The following NQO1 variants were observed in gnomAD, a reference collection of about 807,000 sequenced individuals.
NQO1 encodes the protein NAD(P)H quinone dehydrogenase 1.
A neutral mutation model predicts 32.1 loss-of-function variants in NQO1; 30 were observed. That is an observed-to-expected ratio of 0.94 (90% CI 0.70 to 1.27). The LOEUF is 1.27. Among genes scored for constraint, NQO1 ranks in the 50% most tolerant of loss-of-function variants. The pLI, the probability that NQO1 is intolerant of heterozygous loss-of-function variation, is 0.00. For missense variants in NQO1, 276 were observed against 331.3 expected, an observed-to-expected ratio of 0.83 and a Z score of 1.30; for synonymous variants, 109 against 119.7, an observed-to-expected ratio of 0.91 and a Z score of 0.59.
chr16:69,710,719 A>T lies in NQO1; in HGVS notation c.*257T>A. On this transcript the variant is annotated 3_prime_UTR_variant, in exon 6 of 6. Coordinates refer to ENST00000320623, the MANE Select transcript of NQO1 (RefSeq NM_000903.3). ...TAAATTGTGTAGATGCCTTTAAAGA[A>T]CATTTTTCTAGCATCTTTCTACATC... 2.2e-6 allele frequency: 1 copy of T among 450,834 alleles called. No individual in the cohort carries two copies. The allele number at this position is 450,834 out of a possible 1,614,324, so 27.9% of individuals were successfully genotyped here.
intron 3 of NQO1, among the ~76,000 whole-genome samples, chr16:69,715,585 T>TG (rs2038102422): frequency 6.8e-6 from 1 of 147,678 alleles, no homozygotes; most frequent in South Asian, 2.1e-4. Flanking sequence ...CTGGCCAACA[T>TG]GGTGAAACCT....
rs1295545960 is a variant in NQO1, at chr16:69,713,145, C to T, written c.418-16G>A. ...CCTTCTTACTCTGCAAAAGAAAAAGCAATAACAAACTTCACTTCCCTCCAC... is the reference window on the plus strand; with the variant it reads ...CCTTCTTACTCTGCAAAAGAAAAAGTAATAACAAACTTCACTTCCCTCCAC... On this transcript the variant is annotated splice_polypyrimidine_tract_variant and intron_variant, in intron 4 of 5. Transcript: ENST00000320623. The T allele has an allele frequency of 4.4e-6, 7 of 1,591,910 alleles. No individual in the cohort carries two copies. Among genetic ancestry groups the T allele is most frequent in the African/African-American group, 2.7e-5 (2 of 74,412 alleles).
At chr16:69,724,176 G>C (rs1263020956) in intron 1 of NQO1, among the ~76,000 whole-genome samples, 1 of 151,834 alleles carries the variant, frequency 6.6e-6, no homozygotes, top group Non-Finnish European at 1.5e-5. Context: ...AGCTGGGCGT[G>C]GTGGTGGGCG....
intron 5 of NQO1, 87 bp from the exon 6 acceptor site, chr16:69,711,368 G>A (rs567339652): frequency 2.6e-6 from 3 of 1,138,606 alleles, no homozygotes; most frequent in Non-Finnish European, 3.8e-6. Flanking sequence ...GGGCTTCTCA[G>A]TAAGACACTC....
rs534337407 is a variant in NQO1 at position 69,726,447 on chromosome 16, GTGCAGTCCGGGGCGCTGATTGGCTGGGC to G, written c.-36_-9del. 56 of 1,610,502 alleles carry G rather than the reference GTGCAGTCCGGGGCGCTGATTGGCTGGGC, an allele frequency of 3.5e-5. No homozygotes were observed. In the East Asian group the frequency reaches 8.9e-4, roughly 26 times the overall value. On this transcript the variant is annotated 5_prime_UTR_variant, in exon 1 of 6. Transcript: ENST00000320623. Reference sequence around the variant, plus strand: ...GCAGCACTCACCGACCATGGCTCTGGTGCAGTCCGGGGCGCTGATTGGCTGGGCTCGTGGTTGCCGGGGCGACCCTGGC... The same window carrying G: ...GCAGCACTCACCGACCATGGCTCTGGTCGTGGTTGCCGGGGCGACCCTGGC...
chr16:69,718,645 G>C (rs2038149547), intron 1 of NQO1, 111 bp from the exon 2 acceptor site: 2 of 1,011,930 alleles, frequency 2.0e-6, no homozygotes, highest in East Asian at 4.9e-5. Context: ...TTTGACATTA[G>C]GTTATTGCAT....
chr16:69,719,956 T>C (rs1054496253), intron 1 of NQO1, among the ~76,000 whole-genome samples: 1 of 151,628 alleles, frequency 6.6e-6, no homozygotes, highest in African/African-American at 2.4e-5. Flanking sequence ...TAAAAAAAAA[T>C]TTTTAGAGAC....
At chr16:69,713,171 A>G (rs764947664) in intron 4 of NQO1, 42 bp from the exon 5 acceptor site, 2 of 1,417,862 alleles carry the variant, frequency 1.4e-6, no homozygotes, top group Non-Finnish European at 2.0e-6. Context: ...TTCCCTCCAC[A>G]TCCCCTTGGT....
chr16:69,714,255 C>G (rs984646376), intron 4 of NQO1, among the ~76,000 whole-genome samples: 1 of 151,552 alleles, frequency 6.6e-6, no homozygotes, highest in African/African-American at 2.4e-5. Flanking sequence ...CTGTAACCTC[C>G]ACCTCCTGGG....
Position 69,710,945 on chromosome 16 carries a change from CAT to C in NQO1, c.*29_*30del. 1 of 1,582,466 alleles carries C rather than the reference CAT, an allele frequency of 6.3e-7. No homozygotes were observed. On this transcript the variant is annotated 3_prime_UTR_variant, in exon 6 of 6. Transcript: ENST00000320623. Reference sequence around the variant, plus strand: ...CTGGAAAGATACCCAGATTTGATAACATGTTAGAAGGAAATCCAGGCTAAGGA... The same window carrying C: ...CTGGAAAGATACCCAGATTTGATAACGTTAGAAGGAAATCCAGGCTAAGGA...
rs1362769683 is a variant in NQO1, at chr16:69,709,676, C to T, written c.*1300G>A. ...TTTCATCATTTCTCATCTCTTCTTT[C>T]AATGCACCACAAGAGGGCAGTGTTT... On this transcript the variant is annotated 3_prime_UTR_variant, in exon 6 of 6. Transcript: ENST00000320623. 4 of 397,192 alleles carry T rather than the reference C, an allele frequency of 1.0e-5. No homozygotes were observed. The highest frequency in any genetic ancestry group is 1.8e-5 in the Non-Finnish European group (4 of 225,466). The allele number at this position is 397,192 out of a possible 1,614,324, so 24.6% of individuals were successfully genotyped here.
In NQO1 at chr16:69,710,886, A is replaced by G; in HGVS notation, c.*90T>C. The G allele has an allele frequency of 7.2e-7, 1 of 1,382,578 alleles. No homozygotes were observed. The highest frequency in any genetic ancestry group is 9.8e-7 in the Non-Finnish European group (1 of 1,017,222). The allele number at this position is 1,382,578 out of a possible 1,614,324, so 85.6% of individuals were successfully genotyped here. On this transcript the variant is annotated 3_prime_UTR_variant, in exon 6 of 6. Transcript: ENST00000320623. ...TTATTCCTTGTGGAAAAAGAAAAAC[A>G]CAAATCTTAAAAACTAAAGCAAGTC...
At chr16:69,725,119 C>G (rs1246997318) in intron 1 of NQO1, among the ~76,000 whole-genome samples, 1 of 152,182 alleles carries the variant, frequency 6.6e-6, no homozygotes, top group Non-Finnish European at 1.5e-5. Context: ...AGAATCTATT[C>G]CCTGCTGTCT....
chr16:69,717,904 C>G, intron 3 of NQO1: 1 of 640,846 alleles, frequency 1.6e-6, no homozygotes, highest in Admixed American at 2.9e-5. Flanking sequence ...AGCCACCGTG[C>G]CTGGCCTTGC....
chr16:69,722,067 C>G (rs570160559), intron 1 of NQO1, among the ~76,000 whole-genome samples: 4 of 151,578 alleles, frequency 2.6e-5, no homozygotes, highest in African/African-American at 9.7e-5. Flanking sequence ...ACGCTTACCC[C>G]CACAGTTGCT....
intron 1 of NQO1, among the ~76,000 whole-genome samples, chr16:69,724,384 C>T (rs1481084753): frequency 3.9e-5 from 6 of 151,926 alleles, no homozygotes; most frequent in Admixed American, 3.9e-4. Context: ...CTCAGAGGAG[C>T]TTGCCATTTG....
chr16:69,724,174 G>A (rs553092739), intron 1 of NQO1, among the ~76,000 whole-genome samples: 6 of 152,058 alleles, frequency 3.9e-5, no homozygotes, highest in Non-Finnish European at 5.9e-5. Context: ...TTAGCTGGGC[G>A]TGGTGGTGGG....
In NQO1 at chr16:69,710,768, C is replaced by T; in HGVS notation, c.*208G>A. 1.7e-6 allele frequency: 1 copy of T among 580,344 alleles called. No homozygotes were observed. Among genetic ancestry groups the T allele is most frequent in the Non-Finnish European group, 2.9e-6 (1 of 339,552 alleles). 35.9% of individuals were successfully genotyped at this position (580,344 alleles called of 1,614,324 possible). On this transcript the variant is annotated 3_prime_UTR_variant, in exon 6 of 6. Coordinates refer to ENST00000320623, the MANE Select transcript of NQO1 (RefSeq NM_000903.3). ...TCTTTCCCTAAGTGGCCTCTTGAGC[C>T]CAGTCGGATTTTGGTTATATGCCAT...
chr16:69,726,094 C>T (rs2038257728), intron 1 of NQO1, among the ~76,000 whole-genome samples: 1 of 152,122 alleles, frequency 6.6e-6, no homozygotes, highest in African/African-American at 2.4e-5. Flanking sequence ...TACTATAGAC[C>T]AAAAGAGGTA....
Sources: allele counts gnomAD v4.1 joint callset (sites outside exome capture counted in the v4.1 genomes callset), GRCh38; gene constraint gnomAD v4.1.1; transcripts MANE v1.5; gene names NCBI Gene and HGNC (gene_info 2026-07-23, HGNC 2026-07-21).